The following FRMPD2 variants were observed in gnomAD, a reference collection of about 807,000 sequenced individuals.
FRMPD2 encodes the protein FERM and PDZ domain-containing protein 2.
In FRMPD2, 96 loss-of-function variants were observed where a neutral mutation model predicts 140.1. The observed-to-expected ratio is 0.69, with a 90% CI of 0.58 to 0.81. FRMPD2 has a LOEUF of 0.81. Ranked by LOEUF, FRMPD2 falls within the 40% of genes least tolerant of loss-of-function variation. The probability of loss-of-function intolerance (pLI) is 0.00; values close to 1 mark genes in which losing one functional copy is unlikely to be tolerated. For synonymous variants in FRMPD2, 449 were observed against 547.6 expected, an observed-to-expected ratio of 0.82 and a Z score of 2.52; for missense variants, 1,240 against 1,447.4, an observed-to-expected ratio of 0.86 and a Z score of 2.32.
At chr10:48,207,700 G>A (rs372364779) in intron 13 of FRMPD2, among the ~76,000 whole-genome samples, 2 of 152,150 alleles carry the variant, frequency 1.3e-5, no homozygotes, top group African/African-American at 4.8e-5. Context: ...CCATCAGAAG[G>A]TTGATGTGTC....
chr10:48,187,335 G>A (rs376996416), intron 16 of FRMPD2, 43 bp from the exon 17 acceptor site: 14 of 1,565,564 alleles, frequency 8.9e-6, no homozygotes, highest in Non-Finnish European at 1.1e-5. Flanking sequence ...TGGCCCACGG[G>A]GAAGGACAGT....
At chr10:48,223,608 T>C (rs1026586378) in intron 10 of FRMPD2, among the ~76,000 whole-genome samples, 2 of 152,210 alleles carry the variant, frequency 1.3e-5, no homozygotes, top group African/African-American at 2.4e-5. Flanking sequence ...GGAGTTTGAC[T>C]AAGTTTGTGC....
At chr10:48,256,552 G>A (rs901276927) in intron 1 of FRMPD2, among the ~76,000 whole-genome samples, 5 of 152,092 alleles carry the variant, frequency 3.3e-5, no homozygotes, top group Non-Finnish European at 7.3e-5. Flanking sequence ...GCTGGTTAGC[G>A]AGATTGACAA....
chr10:48,272,075 G>A (rs116418708), intron 1 of FRMPD2, among the ~76,000 whole-genome samples: 3 of 152,318 alleles, frequency 2.0e-5, no homozygotes, highest in Admixed American at 6.5e-5. Flanking sequence ...GCTGCACACC[G>A]CAGCCCTTGC....
Position 48,274,669 on chromosome 10 carries a change from A to G in FRMPD2, c.-102T>C, listed in dbSNP as rs868447858. 7.4e-6 allele frequency: 8 copies of G among 1,076,180 alleles called. No individual in the cohort carries two copies. In the African/African-American group the frequency reaches 1.1e-4, roughly 15 times the overall value. The allele number at this position is 1,076,180 out of a possible 1,614,324, so 66.7% of individuals were successfully genotyped here. A position where few individuals can be genotyped will look rare whatever the true frequency, so the allele number is the denominator to read the frequency against. On this transcript the variant is annotated 5_prime_UTR_variant, in exon 1 of 29. Transcript: ENST00000374201. ...TCTGTCCGCGGAGCTCCCTGCCACCAGCACTGTTGCCGCTGTCTTTGTTTA... is the reference window on the plus strand; with the variant it reads ...TCTGTCCGCGGAGCTCCCTGCCACCGGCACTGTTGCCGCTGTCTTTGTTTA...
At chr10:48,242,458 C>G in intron 4 of FRMPD2, 106 bp from the exon 5 acceptor site, 1 of 959,234 alleles carries the variant, frequency 1.0e-6, no homozygotes, top group Non-Finnish European at 1.6e-6. Flanking sequence ...GGTGTTCCCA[C>G]AAGCACCAGA....
chr10:48,222,086 G>A (rs1215880574), intron 12 of FRMPD2, among the ~76,000 whole-genome samples: 1 of 146,690 alleles, frequency 6.8e-6, no homozygotes, highest in Non-Finnish European at 1.5e-5. Flanking sequence ...TGATAGACAG[G>A]TGAATAGGTA....
chr10:48,252,179 C>T (rs1340821038), intron 1 of FRMPD2, among the ~76,000 whole-genome samples: 1 of 152,144 alleles, frequency 6.6e-6, no homozygotes, highest in East Asian at 1.9e-4. Context: ...CCACCCCTTT[C>T]TCCAGCACCT....
intron 10 of FRMPD2, among the ~76,000 whole-genome samples, chr10:48,225,809 C>T (rs1161699694): frequency 1.3e-5 from 2 of 152,174 alleles, no homozygotes; most frequent in African/African-American, 4.8e-5. Context: ...TCTCTGCTTC[C>T]AGGAATCATC....
In FRMPD2 at chr10:48,201,310, A is replaced by C. The variant is rs1220400488; in HGVS notation, c.1872T>G (p.Ser624Arg). ...CTGAGCAGAGGTCCAGTAAGTATTT[A>C]CTGGTCTTGGCTGAATCTGTGACAA... ...HTFVTDSAKT[S>R]KYLLDLCSAQ... is the part of the protein sequence containing the mutation. Residue 624 changes from serine to arginine, a missense_variant, in exon 15 of 29, where the codon AGT becomes AGG. Around this residue, in one of 6 missense-constraint regions of FRMPD2, gnomAD observed 1,161 missense variants for 1,055.9 expected, o/e 1.10. Coordinates refer to ENST00000374201, the MANE Select transcript of FRMPD2 (RefSeq NM_001018071.4). 1.2e-6 allele frequency: 2 copies of C among 1,613,988 alleles called. No homozygotes were observed. The highest frequency in any genetic ancestry group is 4.5e-5 in the East Asian group (2 of 44,878).
intron 10 of FRMPD2, among the ~76,000 whole-genome samples, chr10:48,229,023 C>T (rs1180662383): frequency 6.6e-6 from 1 of 151,846 alleles, no homozygotes; most frequent in Admixed American, 6.6e-5. Context: ...AAAATTGAGC[C>T]TTAATATCAA....
At chr10:48,184,249 G>C (rs934187974) in intron 20 of FRMPD2, among the ~76,000 whole-genome samples, 2 of 151,346 alleles carry the variant, frequency 1.3e-5, no homozygotes, top group Non-Finnish European at 3.0e-5. Flanking sequence ...AAGGACTTTG[G>C]GTGGCAATAA....
intron 13 of FRMPD2, among the ~76,000 whole-genome samples, chr10:48,208,254 C>T (rs61084325): frequency 0.021 from 3,130 of 152,250 alleles, 100 homozygotes; most frequent in African/African-American, 0.065. Flanking sequence ...AATAAGTAGT[C>T]ATTAAAAGTC....
At chr10:48,263,493 A>G (rs1276432671) in intron 1 of FRMPD2, among the ~76,000 whole-genome samples, 18 of 152,188 alleles carry the variant, frequency 1.2e-4, no homozygotes, top group Admixed American at 7.9e-4. Flanking sequence ...GGCCATCACT[A>G]CTGATCCCAT....
intron 11 of FRMPD2, among the ~76,000 whole-genome samples, chr10:48,222,832 G>A (rs1048379894): frequency 1.3e-5 from 2 of 152,132 alleles, no homozygotes; most frequent in African/African-American, 4.8e-5. Context: ...GTTGTGTGTT[G>A]GGGGTGAGGG....
At chr10:48,234,039 C>T (rs901076969) in intron 9 of FRMPD2, among the ~76,000 whole-genome samples, 10 of 152,226 alleles carry the variant, frequency 6.6e-5, no homozygotes, top group African/African-American at 2.2e-4. Context: ...GTACCAAACG[C>T]ATCTCCATGC....
intron 14 of FRMPD2, among the ~76,000 whole-genome samples, chr10:48,206,136 G>C (rs915500615): frequency 6.6e-6 from 1 of 152,180 alleles, no homozygotes; most frequent in African/African-American, 2.4e-5. Context: ...CACTTCAGGA[G>C]GCAGAAATAT....
chr10:48,199,891 T>C (rs1839042170), intron 15 of FRMPD2: 3 of 152,074 alleles, frequency 2.0e-5, no homozygotes, highest in Admixed American at 6.6e-5. Context: ...CACTTTGGGG[T>C]CTGGCTCTTA....
rs1310222133 is a variant in FRMPD2, at chr10:48,174,899, C to T, written c.3046G>A (p.Ala1016Thr). Residue 1016 changes from alanine (A) to threonine (T), a missense_variant, in exon 24 of 29, where the codon GCT becomes ACT. Physicochemically the swap from Ala to Thr is moderately conservative, Grantham distance 58. This residue lies in a region of FRMPD2 where 22 missense variants were observed against 35.3 expected (regional missense o/e 0.62). Transcript: ENST00000374201. ...VILCGLTHKQAVQCLTGPGQV... is the reference protein window; with the variant it reads ...VILCGLTHKQTVQCLTGPGQV... ...CCAGGACCCGTCAGGCACTGCACAG[C>T]CTGCTTGTGGGTGAGGCCGCACAGA... is the stretch of plus-strand genomic sequence containing the variant. 1 of 634,408 alleles carries T rather than the reference C, an allele frequency of 1.6e-6. No homozygotes were observed. The highest frequency in any genetic ancestry group is 2.9e-5 in the Admixed American group (1 of 35,062). The allele number at this position is 634,408 out of a possible 1,614,324, so 39.3% of individuals were successfully genotyped here. A position where few individuals can be genotyped will look rare whatever the true frequency, so the allele number is the denominator to read the frequency against.
Sources: allele counts gnomAD v4.1 joint callset (sites outside exome capture counted in the v4.1 genomes callset), GRCh38; gene constraint gnomAD v4.1.1; regional missense constraint gnomAD v4.1.1; transcripts MANE v1.5; gene names NCBI Gene and HGNC (gene_info 2026-07-23, HGNC 2026-07-21).